CLDN14: variants seen among roughly 807,000 people sequenced by gnomAD.
CLDN14 encodes claudin 14, also known as claudin-14.
A neutral mutation model predicts 2.1 loss-of-function variants in CLDN14; 2 were observed. The ratio of observed to expected loss-of-function variants is 0.96; its 90% CI spans 0.39 to 3.01. CLDN14 has a LOEUF of 3.01. Ranked by LOEUF, CLDN14 falls within the 30% of genes most tolerant of loss-of-function variation. The pLI is 0.09. For missense variants in CLDN14, 298 were observed against 328.0 expected, an observed-to-expected ratio of 0.91 and a Z score of 0.71; for synonymous variants, 136 against 154.4, an observed-to-expected ratio of 0.88 and a Z score of 0.88.
intron 1 of CLDN14, among the ~76,000 whole-genome samples, chr21:36,552,907 T>C (rs1464340850): frequency 6.6e-6 from 1 of 152,184 alleles, no homozygotes; most frequent in Non-Finnish European, 1.5e-5. Context: ...TTTCTGGCAC[T>C]TTCTGGACTA....
Position 36,499,927 on chromosome 21 carries a change from C to G in CLDN14, c.-82+10436G>C, listed in dbSNP as rs1023500902. ...CTCCGGAGCAACCCCGGGAGCAGTA[C>G]TGGGCCCAGAAGCCTGCCCCAGCCG... is the stretch of plus-strand genomic sequence containing the variant. On this transcript the variant is annotated intron_variant, in intron 2 of 2. Coordinates refer to the CLDN14 transcript ENST00000342108. The surrounding 1 kb of genome is among the most constrained non-coding windows in gnomAD (Gnocchi z 4.7). Among the ~76,000 whole-genome samples the G allele has an allele frequency of 1.6e-4, 24 of 152,172 alleles. No homozygotes were observed. Among genetic ancestry groups the G allele is most frequent in the African/African-American group, 5.3e-4 (22 of 41,440 alleles).
intron 1 of CLDN14, among the ~76,000 whole-genome samples, chr21:36,563,292 GT>G (rs1267712069): frequency 6.6e-6 from 1 of 152,030 alleles, no homozygotes; most frequent in Non-Finnish European, 1.5e-5. Context: ...CATTATTGGG[GT>G]TTTAAATCCT....
At chr21:36,465,864 G>C (rs1395846146) in intron 1 of CLDN14, among the ~76,000 whole-genome samples, 3 of 152,260 alleles carry the variant, frequency 2.0e-5, no homozygotes, top group Non-Finnish European at 4.4e-5. Context: ...GTAGTGGTGG[G>C]AAGGCAGAAT....
chr21:36,460,997 G>C lies in CLDN14; in HGVS notation c.699C>G (p.Tyr233Ter). 2 of 1,613,022 alleles carry C rather than the reference G, an allele frequency of 1.2e-6. No individual in the cohort carries two copies. The highest frequency in any genetic ancestry group is 1.7e-6 in the Non-Finnish European group (2 of 1,179,930). ...PSVTSATHSGYRLNDYV is the reference protein window; with the variant it reads ...PSVTSATHSG ...GGACTCACACGTAGTCGTTCAGCCT[G>C]TACCCGCTGTGCGTGGCCGAGGTCA... Residue 233 changes from tyrosine (Y) to a stop codon, truncating the protein, a stop_gained, in exon 2 of 2, where the codon TAC (tyrosine) becomes TAG (stop). Coordinates refer to ENST00000399135, the MANE Select transcript of CLDN14 (RefSeq NM_001146079.2). LOFTEE classifies it high-confidence loss of function. This position sits in a 1 kb window ranked among gnomAD's most constrained non-coding sequence, Gnocchi z 4.0.
chr21:36,494,364 C>T (rs1205991482), intron 2 of CLDN14, among the ~76,000 whole-genome samples: 1 of 152,162 alleles, frequency 6.6e-6, no homozygotes, highest in Non-Finnish European at 1.5e-5. Context: ...AAATTAAAGT[C>T]CCCTGGGCTG....
chr21:36,493,996 G>A (rs951912293), intron 2 of CLDN14, among the ~76,000 whole-genome samples: 2 of 152,168 alleles, frequency 1.3e-5, no homozygotes, highest in African/African-American at 4.8e-5. Flanking sequence ...CTAGATCTTG[G>A]GGGGATCACC....
At chr21:36,485,666 G>A (rs930533985) in intron 2 of CLDN14, among the ~76,000 whole-genome samples, 1 of 152,114 alleles carries the variant, frequency 6.6e-6, no homozygotes, top group Non-Finnish European at 1.5e-5. Flanking sequence ...CCAATCCTCT[G>A]CTCTGTCCTG....
chr21:36,554,243 C>G (rs961341681), intron 1 of CLDN14, among the ~76,000 whole-genome samples: 9 of 152,192 alleles, frequency 5.9e-5, no homozygotes, highest in African/African-American at 2.2e-4. Context: ...GCCCTGGGCT[C>G]GGCGGTGCCT....
intron 1 of CLDN14, among the ~76,000 whole-genome samples, chr21:36,541,827 G>A (rs1408031263): frequency 1.3e-5 from 2 of 152,110 alleles, no homozygotes; most frequent in East Asian, 1.9e-4. Context: ...TCTTTGTGAC[G>A]AGTACCTTGC....
At chr21:36,485,882 T>C in intron 2 of CLDN14, 1 of 620,154 alleles carries the variant, frequency 1.6e-6, no homozygotes, top group Non-Finnish European at 2.7e-6. Context: ...TGCCAAGCTT[T>C]ATTTAGGCTG....
chr21:36,547,443 G>T (rs2087533013), intron 1 of CLDN14, among the ~76,000 whole-genome samples: 2 of 152,170 alleles, frequency 1.3e-5, no homozygotes, highest in Admixed American at 1.3e-4. Context: ...TGAAATGGTT[G>T]TGTAAAGAGA....
intron 1 of CLDN14, among the ~76,000 whole-genome samples, chr21:36,529,702 T>C (rs1027907601): frequency 3.3e-5 from 5 of 152,242 alleles, no homozygotes; most frequent in Admixed American, 3.3e-4. Context: ...CTTATTTAGA[T>C]TTGTAAGTCT....
intron 2 of CLDN14, among the ~76,000 whole-genome samples, chr21:36,490,350 C>T (rs370468962): frequency 6.8e-6 from 1 of 147,664 alleles, no homozygotes; most frequent in Non-Finnish European, 1.5e-5. Flanking sequence ...ACTACAGGTG[C>T]GAACCACCAT....
intron 1 of CLDN14, among the ~76,000 whole-genome samples, chr21:36,462,434 G>A (rs2086590140): frequency 6.6e-6 from 1 of 152,070 alleles, no homozygotes; most frequent in Non-Finnish European, 1.5e-5. Context: ...CTCCCAACAC[G>A]CTCCCCATTC....
In CLDN14 at chr21:36,575,459, G is replaced by A. The variant is rs1043179765; in HGVS notation, c.-220+952C>T. Among the ~76,000 whole-genome samples the A allele has an allele frequency of 1.4e-4, 21 of 152,090 alleles. 1 individual carries two copies. Among genetic ancestry groups the A allele is most frequent in the African/African-American group, 4.8e-4 (20 of 41,402 alleles). On this transcript the variant is annotated intron_variant, in intron 1 of 2. Transcript: ENST00000342108. ...ACAGGAGGGTGAAGTAACTTCTATC[G>A]AGTATGTGTCAGGGTTAGGGTTTTG... is the stretch of plus-strand genomic sequence containing the variant.
intron 2 of CLDN14, chr21:36,510,231 A>G (rs1012686042): frequency 1.3e-5 from 2 of 152,282 alleles, no homozygotes; most frequent in Non-Finnish European, 2.9e-5. Context: ...AGGCAGTGTC[A>G]GTATTTTCTT....
rs1164468868 is a variant in CLDN14 at position 36,559,724 on chromosome 21, A to C, written c.-220+16687T>G. 7.9e-5 allele frequency among the ~76,000 whole-genome samples: 12 copies of C among 152,254 alleles called. No homozygotes were observed. The East Asian group carries it at 2.3e-3, about 29-fold the overall frequency. On this transcript the variant is annotated intron_variant, in intron 1 of 2. Coordinates refer to the CLDN14 transcript ENST00000342108. ...AAAGTACAAATATGAATACATTATA[A>C]TTTGTAACTGCATTTAAAAACTAAA...
At chr21:36,463,817 G>T (rs2086611010) in intron 1 of CLDN14, among the ~76,000 whole-genome samples, 1 of 152,124 alleles carries the variant, frequency 6.6e-6, no homozygotes, top group Non-Finnish European at 1.5e-5. Flanking sequence ...GCTTCCACTG[G>T]GAGTCTAAAC....
intron 2 of CLDN14, chr21:36,486,185 C>G: frequency 9.2e-7 from 1 of 1,086,004 alleles, no homozygotes. Flanking sequence ...CATGGCTGAG[C>G]TGGCATCAAT....
Sources: allele counts gnomAD v4.1 joint callset (sites outside exome capture counted in the v4.1 genomes callset), GRCh38; gene constraint gnomAD v4.1.1; non-coding constraint Gnocchi (gnomAD v3.1); transcripts MANE v1.5; gene names NCBI Gene and HGNC (gene_info 2026-07-23, HGNC 2026-07-21).